PIK3CB: variants seen among roughly 807,000 people sequenced by gnomAD.
PIK3CB encodes phosphatidylinositol-4,5-bisphosphate 3-kinase catalytic subunit beta.
Under a neutral mutation model 136.8 loss-of-function variants are expected in PIK3CB, and 39 were observed. The observed-to-expected ratio is 0.29, with a 90% CI of 0.22 to 0.37. The LOEUF (loss-of-function observed/expected upper bound fraction) is 0.37. PIK3CB is among the 10% of genes least tolerant of loss of function. The pLI is 1.00. For missense variants in PIK3CB, 868 were observed against 1,275.4 expected (o/e 0.68, Z 4.87); for synonymous variants, 428 against 436.6 (o/e 0.98, Z 0.25).
chr3:138,803,746 G>C (rs1289301757), intron 1 of PIK3CB, among the ~76,000 whole-genome samples: 1 of 152,102 alleles, frequency 6.6e-6, no homozygotes, highest in Non-Finnish European at 1.5e-5. Flanking sequence ...CACTGGAGCT[G>C]ATGGCCTCCT....
rs1477220420 is a variant in PIK3CB, at chr3:138,698,962, G to A, written c.1715C>T (p.Ser572Leu). The change falls in exon 13 of 24, where the codon TCA (serine) becomes TTA (leucine). Residue 572 changes from serine to leucine, a missense_variant. Ser to Leu is a moderately radical substitution (Grantham distance 145). Coordinates refer to ENST00000674063, the MANE Select transcript of PIK3CB (RefSeq NM_006219.3). ...RQDCREIFPQSLPKLLLSIKW... is the reference protein window; with the variant it reads ...RQDCREIFPQLLPKLLLSIKW... ...GATTGACAGCAGTAATTTTGGCAGT[G>A]ATTGTGGGAAAATCTCTCGGCAGTC... 1.9e-6 allele frequency: 3 copies of A among 1,602,398 alleles called. No individual in the cohort carries two copies. Among genetic ancestry groups the A allele is most frequent in the Non-Finnish European group, 2.6e-6 (3 of 1,172,070 alleles).
At chr3:138,756,273 C>A (rs529094157) in intron 3 of PIK3CB, among the ~76,000 whole-genome samples, 1 of 151,972 alleles carries the variant, frequency 6.6e-6, no homozygotes, top group Non-Finnish European at 1.5e-5. Flanking sequence ...ATGGTATTAT[C>A]CCATGTTTGT....
At chr3:138,787,364 C>CAA (rs1204151568) in intron 2 of PIK3CB, among the ~76,000 whole-genome samples, 11 of 52,062 alleles carry the variant, frequency 2.1e-4, no homozygotes, top group East Asian at 6.1e-4. Context: ...AGACTCCGCT[C>CAA]AAAAAAAAAA....
Position 138,655,494 on chromosome 3 carries a change from T to G in PIK3CB, c.3108A>C (p.Glu1036Asp). The G allele has an allele frequency of 1.2e-6, 2 of 1,612,254 alleles. No homozygotes were observed. Among genetic ancestry groups the G allele is most frequent in the Non-Finnish European group, 8.5e-7 (1 of 1,178,248 alleles). ...DSLALGKSEE[E>D]ALKQFKQKFD... ...ATTTTTGCTTAAACTGTTTGAGTGC[T>G]TCTTCTTCACTCTTCCCTAATGCAA... is the stretch of plus-strand genomic sequence containing the variant. Residue 1036 changes from glutamate (E) to aspartate (D), a missense_variant, in exon 24 of 24, where the codon GAA becomes GAC. Transcript: ENST00000674063.
intron 1 of PIK3CB, among the ~76,000 whole-genome samples, chr3:138,833,941 ATAGGATTCTAT>A (rs1934157171): frequency 6.6e-6 from 1 of 152,180 alleles, no homozygotes; most frequent in African/African-American, 2.4e-5. Context: ...GTAAGGGACT[ATAGGATTCTAT>A]TTTGGCCACT....
intron 7 of PIK3CB, among the ~76,000 whole-genome samples, chr3:138,733,641 G>A (rs1204722052): frequency 6.6e-6 from 1 of 152,162 alleles, no homozygotes; most frequent in Non-Finnish European, 1.5e-5. Flanking sequence ...CACTTTGGGA[G>A]GCTGAGGCAG....
At chr3:138,796,604 A>AT (rs1297595323) in intron 1 of PIK3CB, 37 bp from the exon 2 acceptor site, 1 of 152,168 alleles carries the variant, frequency 6.6e-6, no homozygotes, top group African/African-American at 2.4e-5. Context: ...ATTAATCTAA[A>AT]TGAGCTAAAT....
At chr3:138,740,579 A>G (rs779292790) in intron 5 of PIK3CB, among the ~76,000 whole-genome samples, 1 of 151,968 alleles carries the variant, frequency 6.6e-6, no homozygotes, top group Non-Finnish European at 1.5e-5. Flanking sequence ...TAAGACACCA[A>G]TGATCTTATA....
chr3:138,816,578 G>C (rs1933339471), intron 1 of PIK3CB, among the ~76,000 whole-genome samples: 1 of 149,450 alleles, frequency 6.7e-6, no homozygotes, highest in Non-Finnish European at 1.5e-5. Flanking sequence ...CTGGGGACAA[G>C]AGTGAGAGTT....
chr3:138,820,722 GACTTC>G lies in PIK3CB; in HGVS notation c.-122+13968_-122+13972del, dbSNP rs536007956. ...TTGGCCAGGCTAGTCTAGAACTACT[GACTTC>G]AGATGATCCACCCACCTCGGCCTCT... On this transcript the variant is annotated intron_variant, in intron 1 of 23. Transcript: ENST00000674063. Among the ~76,000 whole-genome samples the G allele has an allele frequency of 5.3e-5, 8 of 152,250 alleles. No individual in the cohort carries two copies. The South Asian group carries it at 1.5e-3, about 28-fold the overall frequency.
intron 12 of PIK3CB, among the ~76,000 whole-genome samples, chr3:138,704,099 T>C (rs2044313800): frequency 6.6e-6 from 1 of 152,204 alleles, no homozygotes; most frequent in East Asian, 1.9e-4. Context: ...TGTGTGCCTA[T>C]TACTAAATCT....
rs371792048 is a variant in PIK3CB at position 138,800,484 on chromosome 3, G to A, written c.-121-3917C>T. 7.3e-5 allele frequency among the ~76,000 whole-genome samples: 11 copies of A among 150,132 alleles called. No homozygotes were observed. The East Asian group carries it at 1.4e-3, about 19-fold the overall frequency. ...ACTACAGGCGTGTGCCACCACACCC[G>A]ACTTTTTTTTTTTTGTAGGGATGGG... On this transcript the variant is annotated intron_variant, in intron 1 of 23. Coordinates refer to ENST00000674063, the MANE Select transcript of PIK3CB (RefSeq NM_006219.3).
At chr3:138,780,919 A>C (rs1311993279) in intron 2 of PIK3CB, among the ~76,000 whole-genome samples, 1 of 152,118 alleles carries the variant, frequency 6.6e-6, no homozygotes, top group Non-Finnish European at 1.5e-5. Flanking sequence ...TCCTGGCCTC[A>C]AGCAATCCTC....
At chr3:138,671,367 T>C (rs2043528913) in intron 19 of PIK3CB, among the ~76,000 whole-genome samples, 1 of 152,176 alleles carries the variant, frequency 6.6e-6, no homozygotes, top group Admixed American at 6.5e-5. Flanking sequence ...TCAGGAGATA[T>C]TATAATCTTG....
chr3:138,669,561 TA>T (rs1290938681), intron 19 of PIK3CB, among the ~76,000 whole-genome samples: 1 of 152,124 alleles, frequency 6.6e-6, no homozygotes, highest in Non-Finnish European at 1.5e-5. Flanking sequence ...CTGGCAAATC[TA>T]CCCACGGCCA....
chr3:138,821,858 T>G (rs1933575977), intron 1 of PIK3CB, among the ~76,000 whole-genome samples: 1 of 150,422 alleles, frequency 6.6e-6, no homozygotes, highest in South Asian at 2.1e-4. Flanking sequence ...ACATCAAGAG[T>G]TAAGACAGCT....
rs1398597582 is a variant in PIK3CB, at chr3:138,694,875, C to T, written c.1803G>A (p.Leu601=). ...LQALLQIWPK[L]PPREALELLD... ...GAAGCTCTAGGGCCTCCCGGGGGGG[C>T]AGTTTAGGCCAAATCTGAAGCAGCG... The change falls in exon 14 of 24, where the codon CTG becomes CTA. Residue 601 remains leucine, a synonymous_variant. Transcript: ENST00000674063. 6.2e-7 allele frequency: 1 copy of T among 1,609,056 alleles called. No homozygotes were observed. Among genetic ancestry groups the T allele is most frequent in the Non-Finnish European group, 8.5e-7 (1 of 1,177,918 alleles).
At chr3:138,696,002 G>T (rs983709672) in intron 13 of PIK3CB, among the ~76,000 whole-genome samples, 1 of 136,064 alleles carries the variant, frequency 7.3e-6, no homozygotes, top group South Asian at 2.3e-4. Context: ...AACTCCTGAC[G>T]TCAGGTGATC....
In PIK3CB at chr3:138,728,925, AACT is replaced by A. The variant is rs535651474; in HGVS notation, c.1050+4433_1050+4435del. On this transcript the variant is annotated intron_variant, in intron 8 of 23. Transcript: ENST00000674063. Reference sequence around the variant, plus strand: ...TTGAATAAGGGGCATCTATGAAAAAAACTACATTATATTTAAAGTTGAAAGACT... The same window carrying A: ...TTGAATAAGGGGCATCTATGAAAAAAACATTATATTTAAAGTTGAAAGACT... Among the ~76,000 whole-genome samples the A allele has an allele frequency of 3.6e-3, 541 of 152,334 alleles. 4 individuals are homozygous for A. The highest frequency in any genetic ancestry group is 6.6e-3 in the Non-Finnish European group (446 of 68,022).
Sources: allele counts gnomAD v4.1 joint callset (sites outside exome capture counted in the v4.1 genomes callset), GRCh38; gene constraint gnomAD v4.1.1; transcripts MANE v1.5; gene names NCBI Gene and HGNC (gene_info 2026-07-23, HGNC 2026-07-21).